The following CAPN9 variants were observed in gnomAD, a reference collection of about 807,000 sequenced individuals.
The protein encoded by CAPN9 is calpain 9.
Under a neutral mutation model 92.8 loss-of-function variants are expected in CAPN9, and 81 were observed. The observed-to-expected ratio is 0.87, with a 90% confidence interval of 0.73 to 1.05. The LOEUF is 1.05. CAPN9 is among the 50% of genes least tolerant of loss of function. The pLI, the probability that CAPN9 is intolerant of heterozygous loss-of-function variation, is 0.00. For synonymous variants in CAPN9, 304 were observed against 328.0 expected (o/e 0.93, Z 0.79); for missense variants, 848 against 866.2 (o/e 0.98, Z 0.26).
chr1:230,769,347 G>A, intron 6 of CAPN9, 84 bp downstream of exon 6: 1 of 974,864 alleles, frequency 1.0e-6, no homozygotes, highest in South Asian at 1.6e-5. Context: ...GTGCATTGCA[G>A]TTTAAATGTC....
intron 11 of CAPN9, among the ~76,000 whole-genome samples, chr1:230,783,944 A>G (rs563161526): frequency 6.6e-6 from 1 of 152,232 alleles, no homozygotes; most frequent in Non-Finnish European, 1.5e-5. Context: ...GATGGAAAGG[A>G]GGAACTCATT....
intron 13 of CAPN9, among the ~76,000 whole-genome samples, chr1:230,789,739 C>T (rs1455529791): frequency 1.3e-5 from 2 of 152,192 alleles, no homozygotes; most frequent in East Asian, 3.9e-4. Context: ...GGTGGTTCTA[C>T]TGTACAGAGG....
chr1:230,784,759 A>T (rs973649502), intron 11 of CAPN9, among the ~76,000 whole-genome samples: 1 of 152,276 alleles, frequency 6.6e-6, no homozygotes. Context: ...AGGGCTATGC[A>T]GATGGGGAAA....
At chr1:230,787,318 A>G (rs1667665130) in intron 12 of CAPN9, among the ~76,000 whole-genome samples, 1 of 152,160 alleles carries the variant, frequency 6.6e-6, no homozygotes, top group African/African-American at 2.4e-5. Flanking sequence ...CCACAGGTCC[A>G]GCTAATAAAG....
Position 230,762,706 on chromosome 1 carries a change from C to G in CAPN9, c.456C>G (p.Thr152=). 1 of 1,614,218 alleles carries G rather than the reference C, an allele frequency of 6.2e-7. No individual in the cohort carries two copies. Among genetic ancestry groups the G allele is most frequent in the African/African-American group, 1.3e-5 (1 of 75,066 alleles). ...LDVVIDDRLP[T]FRDRLVFLHS... is the part of the protein sequence containing the mutation. ...TGGTGATCGATGACCGCCTGCCCAC[C>G]TTCAGGGACCGCTTGGTTTTCCTCC... Residue 152 remains threonine (T), a synonymous_variant, in exon 4 of 20, where the codon ACC becomes ACG. Transcript: ENST00000271971.
At position 230,780,580 on chromosome 1, in the gene CAPN9, C is replaced by T. The variant is rs143757720; in HGVS notation, c.1353C>T (p.Asn451=). 1,282 of 1,614,170 alleles carry T rather than the reference C, an allele frequency of 7.9e-4. 16 individuals carry two copies. In the South Asian group the frequency reaches 8.4e-3, roughly 11 times the overall value. Residue 451 remains asparagine (N), a synonymous_variant, in exon 11 of 20, where the codon AAC becomes AAT. Coordinates refer to ENST00000271971, the MANE Select transcript of CAPN9 (RefSeq NM_006615.3). ...GGGCCAGAAGCAAGACGTTCATCAA[C>T]CTGAGAGAAGTCTCCGACCGGTTCA... ...ASRARSKTFI[N]LREVSDRFKL... is the part of the protein sequence containing the mutation.
intron 19 of CAPN9, among the ~76,000 whole-genome samples, chr1:230,799,163 C>A (rs1178118749): frequency 6.6e-6 from 1 of 152,172 alleles, no homozygotes; most frequent in East Asian, 1.9e-4. Context: ...ACAGCCAGCT[C>A]ATTTCCAAAT....
intron 2 of CAPN9, among the ~76,000 whole-genome samples, chr1:230,756,897 A>G (rs61828380): frequency 0.25 from 38,294 of 151,658 alleles, 6,125 homozygotes; most frequent in African/African-American, 0.46. Flanking sequence ...AGCTGAGATC[A>G]TGCCACTGCA....
At chr1:230,795,571 G>C (rs375038318) in intron 18 of CAPN9, 1 of 344,834 alleles carries the variant, frequency 2.9e-6, no homozygotes, top group East Asian at 7.0e-5. Context: ...AGGTTCAATT[G>C]CAGGTCAAAT....
intron 12 of CAPN9, among the ~76,000 whole-genome samples, chr1:230,787,280 GCCT>G (rs1667661247): frequency 6.6e-6 from 1 of 152,154 alleles, no homozygotes; most frequent in Non-Finnish European, 1.5e-5. Flanking sequence ...AGGTCCTTTG[GCCT>G]CCTCGTCTGT....
chr1:230,760,931 G>A (rs1002218671), intron 3 of CAPN9, among the ~76,000 whole-genome samples: 38 of 152,152 alleles, frequency 2.5e-4, no homozygotes, highest in Admixed American at 1.6e-3. Context: ...GCTCCCAAAA[G>A]GAACAGTGTT....
intron 1 of CAPN9, among the ~76,000 whole-genome samples, chr1:230,750,211 C>T (rs1664678570): frequency 6.6e-6 from 1 of 152,200 alleles, no homozygotes; most frequent in Admixed American, 6.5e-5. Context: ...TGCACCCCGA[C>T]CTGCCACCCA....
At chr1:230,770,988 C>T (rs1459367110) in intron 6 of CAPN9, among the ~76,000 whole-genome samples, 2 of 152,146 alleles carry the variant, frequency 1.3e-5, no homozygotes, top group East Asian at 3.9e-4. Context: ...CTTTGTCCTC[C>T]TTCACCATCC....
At chr1:230,759,459 T>C in intron 2 of CAPN9, 53 bp from the exon 3 acceptor site, 1 of 1,296,224 alleles carries the variant, frequency 7.7e-7, no homozygotes, top group Non-Finnish European at 1.1e-6. Flanking sequence ...AGAGTTTTCC[T>C]ATTTGCTGTG....
chr1:230,765,337 G>A (rs1665918235), intron 4 of CAPN9, among the ~76,000 whole-genome samples: 1 of 151,346 alleles, frequency 6.6e-6, no homozygotes, highest in Admixed American at 6.6e-5. Context: ...TTCAACCAAC[G>A]AAATAGACAA....
intron 16 of CAPN9, 22 bp from the exon 17 acceptor site, chr1:230,792,828 G>A: frequency 6.2e-7 from 1 of 1,607,058 alleles, no homozygotes; most frequent in Admixed American, 1.7e-5. Context: ...CCTTCTCAAG[G>A]CTTCTGCTCT....
intron 2 of CAPN9, among the ~76,000 whole-genome samples, chr1:230,759,172 C>T (rs28359606): frequency 0.044 from 6,695 of 152,294 alleles, 214 homozygotes; most frequent in Non-Finnish European, 0.068. Context: ...TCGCCCAGCC[C>T]GTGCTGACAC....
In CAPN9 at chr1:230,795,504, A is replaced by G. The variant is rs1003463389; in HGVS notation, c.1987+225A>G. The stretch of plus-strand genomic sequence containing the variant: ...GCATCGCCTTTCTTTATACATTCAC[A>G]GTGCCTCTGTGGGAGGATGATGGGC... On this transcript the variant is annotated intron_variant, in intron 18 of 19. Coordinates refer to ENST00000271971, the MANE Select transcript of CAPN9 (RefSeq NM_006615.3). The G allele has an allele frequency of 3.6e-5, 17 of 466,194 alleles. No homozygotes were observed. In the Admixed American group the frequency reaches 5.1e-4, roughly 14 times the overall value. The allele number at this position is 466,194 out of a possible 1,614,324, so 28.9% of individuals were successfully genotyped here. A position where few individuals can be genotyped will look rare whatever the true frequency, so the allele number is the denominator to read the frequency against.
In CAPN9 at chr1:230,787,510, G is replaced by A; in HGVS notation, c.1519-12G>A. On this transcript the variant is annotated splice_polypyrimidine_tract_variant and intron_variant, in intron 12 of 19. Coordinates refer to ENST00000271971, the MANE Select transcript of CAPN9 (RefSeq NM_006615.3). Reference sequence around the variant, plus strand: ...GGATCATTTTGTGCAAGTTTCTTTGGCTGTTTTTTAGCCTCCAAAGCCAAC... The same window carrying A: ...GGATCATTTTGTGCAAGTTTCTTTGACTGTTTTTTAGCCTCCAAAGCCAAC... 1.2e-6 allele frequency: 2 copies of A among 1,610,670 alleles called. No individual in the cohort carries two copies. The highest frequency in any genetic ancestry group is 2.2e-5 in the East Asian group (1 of 44,846).
Sources: allele counts gnomAD v4.1 joint callset (sites outside exome capture counted in the v4.1 genomes callset), GRCh38; gene constraint gnomAD v4.1.1; transcripts MANE v1.5; gene names NCBI Gene and HGNC (gene_info 2026-07-23, HGNC 2026-07-21).